The following CNNM1 variants were observed in gnomAD, a reference collection of about 807,000 sequenced individuals.
CNNM1 encodes the protein cyclin and CBS domain divalent metal cation transport mediator 1, also known as metal transporter CNNM1.
In CNNM1, 44 loss-of-function variants were observed where a neutral mutation model predicts 78.8. That is an observed-to-expected ratio of 0.56 (90% confidence interval 0.44 to 0.72). The LOEUF (loss-of-function observed/expected upper bound fraction) is 0.72, where lower values mean the gene tolerates loss of function less well. Among genes scored for constraint, CNNM1 ranks in the 30% least tolerant of loss-of-function variants. The probability of loss-of-function intolerance (pLI) is 0.00; values close to 1 mark genes in which losing one functional copy is unlikely to be tolerated. For synonymous variants in CNNM1, 584 were observed against 581.5 expected (o/e 1.00, Z -0.06); for missense variants, 1,101 against 1,292.2 (o/e 0.85, Z 2.27).
At position 99,375,044 on chromosome 10, in the gene CNNM1, G is replaced by A. The variant is rs117337494; in HGVS notation, c.2177-2011G>A. Among the ~76,000 whole-genome samples, 950 of 152,206 alleles carry A rather than the reference G, an allele frequency of 6.2e-3. 10 individuals are homozygous for A. Among genetic ancestry groups the A allele is most frequent in the Non-Finnish European group, 8.4e-3 (569 of 68,012 alleles). On this transcript the variant is annotated intron_variant, in intron 6 of 10. Coordinates refer to ENST00000356713, the MANE Select transcript of CNNM1 (RefSeq NM_020348.3). ...GGAGCAGACAGCCATTAGCTGAGGC[G>A]GGAGGAGGTGGGGTGGGGAAGGGAA...
At chr10:99,361,741 T>A (rs2031441379) in intron 3 of CNNM1, among the ~76,000 whole-genome samples, 1 of 152,210 alleles carries the variant, frequency 6.6e-6, no homozygotes, top group East Asian at 1.9e-4. Context: ...ATAAATATGA[T>A]GCAATGATGC....
At chr10:99,380,014 ACTCT>A (rs1359465951) in intron 7 of CNNM1, among the ~76,000 whole-genome samples, 2 of 136,524 alleles carry the variant, frequency 1.5e-5, no homozygotes, top group Admixed American at 1.6e-4. Flanking sequence ...AAGGAAGTAA[ACTCT>A]CTCTTTTTTT....
chr10:99,376,736 CT>C (rs1217505934), intron 6 of CNNM1, among the ~76,000 whole-genome samples: 2 of 152,190 alleles, frequency 1.3e-5, no homozygotes, highest in African/African-American at 4.8e-5. Context: ...CCCGTCCCCC[CT>C]GTCTGGGGAA....
intron 1 of CNNM1, among the ~76,000 whole-genome samples, chr10:99,340,146 A>G (rs1167291258): frequency 6.6e-6 from 1 of 152,236 alleles, no homozygotes; most frequent in Admixed American, 6.5e-5. Flanking sequence ...AATATTCAAG[A>G]TGATAAACTT....
intron 7 of CNNM1, among the ~76,000 whole-genome samples, chr10:99,384,341 A>T (rs907636009): frequency 3.3e-5 from 5 of 151,968 alleles, no homozygotes; most frequent in Non-Finnish European, 5.9e-5. Context: ...TTCATGATTT[A>T]AAAAAAAATT....
intron 6 of CNNM1, among the ~76,000 whole-genome samples, chr10:99,367,442 G>A (rs1272322513): frequency 6.6e-6 from 1 of 152,154 alleles, no homozygotes; most frequent in Non-Finnish European, 1.5e-5. Flanking sequence ...TCTTGGTTCT[G>A]ATTGCCAGGA....
At chr10:99,377,271 G>A in intron 7 of CNNM1, 53 bp downstream of exon 7, 1 of 1,561,330 alleles carries the variant, frequency 6.4e-7, no homozygotes, top group Non-Finnish European at 8.8e-7. Flanking sequence ...GTGTTGGCTG[G>A]CTGAGCGGGA....
chr10:99,360,630 C>T (rs569614000), intron 2 of CNNM1, among the ~76,000 whole-genome samples: 35 of 152,264 alleles, frequency 2.3e-4, no homozygotes, highest in Admixed American at 1.8e-3. Flanking sequence ...ACTATACACC[C>T]CCTAAGTGTG....
intron 5 of CNNM1, 50 bp from the exon 6 acceptor site, chr10:99,364,905 G>A (rs2031561241): frequency 1.3e-6 from 2 of 1,566,810 alleles, no homozygotes; most frequent in African/African-American, 1.3e-5. Context: ...CCCATAAGAA[G>A]TGTGTTTTCT....
Position 99,347,975 on chromosome 10 carries a change from G to A in CNNM1, c.1574-9537G>A, listed in dbSNP as rs545777406. ...CTCCCTCATCACTATTCCCTGCTTC[G>A]CTTTCCCCTTAGCAGTGTGCTATAT... On this transcript the variant is annotated intron_variant, in intron 1 of 10. Transcript: ENST00000356713. Among the ~76,000 whole-genome samples, 6 of 150,984 alleles carry A rather than the reference G, an allele frequency of 4.0e-5. No homozygotes were observed. In the East Asian group the frequency reaches 7.8e-4, roughly 20 times the overall value.
chr10:99,336,906 T>C (rs951891158), intron 1 of CNNM1, among the ~76,000 whole-genome samples: 3 of 152,162 alleles, frequency 2.0e-5, no homozygotes, highest in Non-Finnish European at 4.4e-5. Context: ...ATCATGCCAC[T>C]GAACTCCAGT....
chr10:99,334,425 G>T (rs1380062207), intron 1 of CNNM1, among the ~76,000 whole-genome samples: 1 of 152,156 alleles, frequency 6.6e-6, no homozygotes, highest in Non-Finnish European at 1.5e-5. Context: ...GGGCGAGGTG[G>T]GTGGATCACC....
chr10:99,381,412 A>G (rs1256310421), intron 7 of CNNM1, among the ~76,000 whole-genome samples: 13 of 144,306 alleles, frequency 9.0e-5, no homozygotes, highest in Admixed American at 9.0e-4. Context: ...CTGTCTTCAA[A>G]AAAAAAAAAA....
Position 99,362,391 on chromosome 10 carries a change from C to A in CNNM1, c.2023C>A (p.Leu675Ile). The A allele has an allele frequency of 5.6e-6, 9 of 1,610,032 alleles. No homozygotes were observed. Among genetic ancestry groups the A allele is most frequent in the Non-Finnish European group, 7.6e-6 (9 of 1,178,220 alleles). The change falls in exon 4 of 11, where the codon CTA becomes ATA. Residue 675 changes from leucine to isoleucine, a missense_variant. Physicochemically the swap from Leu to Ile is conservative, Grantham distance 5. This residue lies in a region of CNNM1 where 348 missense variants were observed against 384.5 expected (regional missense o/e 0.90). Transcript: ENST00000356713. ...NRPVDYFVLL[L>I]QGKVEVEVGK... is the part of the protein sequence containing the mutation. ...CCCTGTGGACTACTTTGTGCTGCTT[C>A]TACAGGTGAGTAGGAAAGTCAGGGA...
intron 7 of CNNM1, among the ~76,000 whole-genome samples, chr10:99,385,003 G>A (rs1032219735): frequency 3.3e-5 from 5 of 150,132 alleles, no homozygotes; most frequent in African/African-American, 9.9e-5. Flanking sequence ...GGAGGCAAAG[G>A]TTGCACCACT....
intron 1 of CNNM1, among the ~76,000 whole-genome samples, chr10:99,341,424 C>A (rs1241827246): frequency 3.9e-5 from 6 of 152,066 alleles, no homozygotes; most frequent in Non-Finnish European, 8.8e-5. Flanking sequence ...CAGTGCTGAA[C>A]CTGCCCTCCA....
At chr10:99,336,693 G>A (rs371112659) in intron 1 of CNNM1, among the ~76,000 whole-genome samples, 6 of 152,226 alleles carry the variant, frequency 3.9e-5, no homozygotes, top group Admixed American at 6.5e-5. Flanking sequence ...TTGGCCAGGC[G>A]TGGTAGCTCA....
intron 7 of CNNM1, chr10:99,377,446 T>C (rs1481740473): frequency 5.6e-6 from 2 of 356,264 alleles, no homozygotes; most frequent in East Asian, 8.8e-5. Flanking sequence ...CCCCCTTTTT[T>C]CATGTGGGGA....
At chr10:99,355,187 A>G (rs1259128098) in intron 1 of CNNM1, among the ~76,000 whole-genome samples, 1 of 150,546 alleles carries the variant, frequency 6.6e-6, no homozygotes. Flanking sequence ...AAAGGGTAAA[A>G]CACTGCATGT....
Sources: gnomAD v4.1 joint callset for allele counts (sites outside exome capture counted in the v4.1 genomes callset) on GRCh38, gnomAD v4.1.1 for gene constraint, gnomAD v4.1.1 regional missense constraint, MANE v1.5 for transcripts, NCBI Gene and HGNC (gene_info 2026-07-23, HGNC 2026-07-21) for gene names.